KCNK13: variants seen among roughly 807,000 people sequenced by gnomAD.
KCNK13 encodes the protein potassium two pore domain channel subfamily K member 13.
Under a neutral mutation model 23.4 loss-of-function variants are expected in KCNK13, and 12 were observed. The observed-to-expected ratio is 0.51, with a 90% CI of 0.33 to 0.83. The LOEUF is 0.83. KCNK13 is among the 40% of genes least tolerant of loss of function. KCNK13 has a pLI of 0.02. For missense variants in KCNK13, 463 were observed against 556.3 expected, an observed-to-expected ratio of 0.83 and a Z score of 1.69; for synonymous variants, 231 against 229.5, an observed-to-expected ratio of 1.01 and a Z score of -0.06.
At chr14:90,141,029 C>T (rs1187873978) in intron 1 of KCNK13, among the ~76,000 whole-genome samples, 2 of 152,192 alleles carry the variant, frequency 1.3e-5, no homozygotes, top group Non-Finnish European at 2.9e-5. Flanking sequence ...CACTCCGCCA[C>T]CTGCCACCCC....
At position 90,185,419 on chromosome 14, in the gene KCNK13, T is replaced by A. The variant is rs1890539706; in HGVS notation, c.*416T>A. On this transcript the variant is annotated 3_prime_UTR_variant, in exon 2 of 2. Coordinates refer to ENST00000282146, the MANE Select transcript of KCNK13 (RefSeq NM_022054.4). ...ACTCATCTTTCCCTAGAACTCTGAA[T>A]GGATGAATTTTTAAAAGTGGGGAGA... 6.3e-6 allele frequency: 1 copy of A among 158,890 alleles called. No individual in the cohort carries two copies. Among genetic ancestry groups the A allele is most frequent in the African/African-American group, 2.4e-5 (1 of 41,590 alleles). 9.8% of individuals were successfully genotyped at this position (158,890 alleles called of 1,614,324 possible).
intron 1 of KCNK13, among the ~76,000 whole-genome samples, chr14:90,134,837 T>C (rs959842478): frequency 2.6e-5 from 4 of 152,206 alleles, no homozygotes; most frequent in South Asian, 2.1e-4. Flanking sequence ...ATAATAAATA[T>C]GAAATGTTAC....
chr14:90,181,019 G>C (rs1247413102), intron 1 of KCNK13, among the ~76,000 whole-genome samples: 1 of 152,158 alleles, frequency 6.6e-6, no homozygotes, highest in African/African-American at 2.4e-5. Context: ...ACCACGCCCA[G>C]CTAATTTTTG....
At chr14:90,067,964 C>T (rs769192261) in intron 1 of KCNK13, among the ~76,000 whole-genome samples, 7 of 152,098 alleles carry the variant, frequency 4.6e-5, no homozygotes, top group Non-Finnish European at 1.0e-4. Flanking sequence ...TAAAAGTGTA[C>T]TTCTTACCCA....
At chr14:90,116,049 C>G (rs1889673281) in intron 1 of KCNK13, among the ~76,000 whole-genome samples, 1 of 152,198 alleles carries the variant, frequency 6.6e-6, no homozygotes, top group Non-Finnish European at 1.5e-5. Flanking sequence ...GCATATTTTT[C>G]TATGCCTGCC....
At chr14:90,135,856 T>G (rs1889929866) in intron 1 of KCNK13, among the ~76,000 whole-genome samples, 1 of 152,164 alleles carries the variant, frequency 6.6e-6, no homozygotes, top group African/African-American at 2.4e-5. Context: ...AGAGTTCACC[T>G]TCATGGTGAC....
At chr14:90,141,764 C>T (rs1238954198) in intron 1 of KCNK13, among the ~76,000 whole-genome samples, 4 of 142,276 alleles carry the variant, frequency 2.8e-5, no homozygotes, top group Non-Finnish European at 4.5e-5. Context: ...AGCCTTATGC[C>T]CTCTTGGGTT....
chr14:90,176,867 A>T lies in KCNK13; in HGVS notation c.335-7244A>T, dbSNP rs187455721. 8.6e-5 allele frequency among the ~76,000 whole-genome samples: 13 copies of T among 152,020 alleles called. No individual in the cohort carries two copies. In the East Asian group the frequency reaches 2.3e-3, roughly 27 times the overall value. ...AAACCCTGTCCCTACTAAAAATACAAAAATTAGCTCGGCATGGTGGCATGC... is the reference window on the plus strand; with the variant it reads ...AAACCCTGTCCCTACTAAAAATACATAAATTAGCTCGGCATGGTGGCATGC... On this transcript the variant is annotated intron_variant, in intron 1 of 1. Coordinates refer to ENST00000282146, the MANE Select transcript of KCNK13 (RefSeq NM_022054.4).
intron 1 of KCNK13, among the ~76,000 whole-genome samples, chr14:90,161,235 A>G (rs1863428633): frequency 6.6e-6 from 1 of 152,226 alleles, no homozygotes. Context: ...TATCACTTAT[A>G]TGAGGTACAC....
chr14:90,123,029 A>G (rs372774038), intron 1 of KCNK13, among the ~76,000 whole-genome samples: 69 of 152,308 alleles, frequency 4.5e-4, no homozygotes, highest in African/African-American at 1.6e-3. Flanking sequence ...GCTGGGACAT[A>G]AGCCCAGGGT....
chr14:90,175,675 C>A (rs1401416463), intron 1 of KCNK13, among the ~76,000 whole-genome samples: 1 of 152,196 alleles, frequency 6.6e-6, no homozygotes, highest in Admixed American at 6.5e-5. Context: ...ATTTCATTAT[C>A]CATCGCTGTG....
rs142365487 is a variant in KCNK13, at chr14:90,162,998, A to G, written c.335-21113A>G. ...GCAGGCAAGTCACAGAAGAAGAAATACAAAAGGCCAGTAAACACATGAAAA... is the reference window on the plus strand; with the variant it reads ...GCAGGCAAGTCACAGAAGAAGAAATGCAAAAGGCCAGTAAACACATGAAAA... On this transcript the variant is annotated intron_variant, in intron 1 of 1. Transcript: ENST00000282146. 3.6e-3 allele frequency among the ~76,000 whole-genome samples: 553 copies of G among 152,360 alleles called. 6 individuals carry two copies. Among genetic ancestry groups the G allele is most frequent in the African/African-American group, 0.012 (516 of 41,592 alleles).
chr14:90,101,123 C>T (rs942770618), intron 1 of KCNK13, among the ~76,000 whole-genome samples: 6 of 152,150 alleles, frequency 3.9e-5, no homozygotes, highest in Admixed American at 3.9e-4. Flanking sequence ...GTAACATGGG[C>T]TGATAATAAT....
intron 1 of KCNK13, among the ~76,000 whole-genome samples, chr14:90,176,584 T>C (rs1348123003): frequency 6.6e-6 from 1 of 152,126 alleles, no homozygotes; most frequent in African/African-American, 2.4e-5. Flanking sequence ...ATCAAAAAGA[T>C]TGTGGGAAAG....
chr14:90,121,661 A>T (rs1402373483), intron 1 of KCNK13, among the ~76,000 whole-genome samples: 1 of 152,176 alleles, frequency 6.6e-6, no homozygotes, highest in Non-Finnish European at 1.5e-5. Flanking sequence ...CCCACTGTTA[A>T]GGCACCCACT....
At chr14:90,144,536 A>T (rs1192598543) in intron 1 of KCNK13, among the ~76,000 whole-genome samples, 2 of 119,886 alleles carry the variant, frequency 1.7e-5, no homozygotes, top group Admixed American at 1.2e-4. Flanking sequence ...TCACTCTGTC[A>T]CCCAGGCTGG....
chr14:90,073,287 C>T lies in KCNK13; in HGVS notation c.334+10748C>T, dbSNP rs955873290. 3.3e-5 allele frequency among the ~76,000 whole-genome samples: 5 copies of T among 152,144 alleles called. No individual in the cohort carries two copies. The East Asian group carries it at 5.8e-4, about 18-fold the overall frequency. On this transcript the variant is annotated intron_variant, in intron 1 of 1. Transcript: ENST00000282146. ...TACTACGGGTGTAAGGTTTGGGTAG[C>T]GTGCTGCCTACCGCCCAGGAGTCCA...
intron 1 of KCNK13, among the ~76,000 whole-genome samples, chr14:90,082,245 A>G (rs1285296243): frequency 7.2e-6 from 1 of 139,126 alleles, no homozygotes; most frequent in Non-Finnish European, 1.6e-5. Context: ...TTTTTTTTTT[A>G]GTAGAGACAG....
intron 1 of KCNK13, among the ~76,000 whole-genome samples, chr14:90,119,673 C>T (rs1889714421): frequency 6.6e-6 from 1 of 152,268 alleles, no homozygotes; most frequent in Non-Finnish European, 1.5e-5. Context: ...GATCTTGGCT[C>T]ACTGCAAGCT....
Sources: allele counts gnomAD v4.1 joint callset (sites outside exome capture counted in the v4.1 genomes callset), GRCh38; gene constraint gnomAD v4.1.1; transcripts MANE v1.5; gene names NCBI Gene and HGNC (gene_info 2026-07-23, HGNC 2026-07-21).